The following WDR41 variants were observed in gnomAD, a reference collection of about 807,000 sequenced individuals.
The protein encoded by WDR41 is WD repeat-containing protein 41.
WDR41 carries 63 observed loss-of-function variants against 69.3 expected under a neutral mutation model. The ratio of observed to expected loss-of-function variants is 0.91; its 90% confidence interval spans 0.74 to 1.12. The LOEUF is 1.12. Among genes scored for constraint, WDR41 ranks in the 50% most tolerant of loss-of-function variants. The pLI is 0.00. For synonymous variants in WDR41, 185 were observed against 192.1 expected, an observed-to-expected ratio of 0.96 and a Z score of 0.31; for missense variants, 543 against 534.5, an observed-to-expected ratio of 1.02 and a Z score of -0.16.
chr5:77,612,503 A>G (rs1157105442), intron 1 of WDR41, among the ~76,000 whole-genome samples: 3 of 152,222 alleles, frequency 2.0e-5, no homozygotes, highest in Non-Finnish European at 2.9e-5. Context: ...GCAAATCAAT[A>G]AATGTAATCC....
intron 1 of WDR41, among the ~76,000 whole-genome samples, chr5:77,532,650 T>C (rs1366561433): frequency 6.6e-6 from 1 of 152,042 alleles, no homozygotes; most frequent in African/African-American, 2.4e-5. Flanking sequence ...ACTACAGCAG[T>C]ACACAACATG....
chr5:77,604,533 C>T (rs1357135761), intron 1 of WDR41, among the ~76,000 whole-genome samples: 1 of 152,148 alleles, frequency 6.6e-6, no homozygotes, highest in African/African-American at 2.4e-5. Flanking sequence ...TTGTTAAGCA[C>T]TTGTGGAGGA....
At chr5:77,559,015 G>T (rs1296848978) in intron 1 of WDR41, among the ~76,000 whole-genome samples, 3 of 152,150 alleles carry the variant, frequency 2.0e-5, no homozygotes, top group Non-Finnish European at 2.9e-5. Flanking sequence ...TCTTGTAAAA[G>T]GGTCTATGAA....
At chr5:77,554,337 A>G (rs1743352084) in intron 1 of WDR41, among the ~76,000 whole-genome samples, 2 of 152,248 alleles carry the variant, frequency 1.3e-5, no homozygotes, top group South Asian at 2.1e-4. Context: ...TGAAATTCTT[A>G]CGTTAAAATC....
chr5:77,451,476 C>G, intron 6 of WDR41, 123 bp from the exon 7 acceptor site: 1 of 772,214 alleles, frequency 1.3e-6, no homozygotes, highest in Non-Finnish European at 2.2e-6. Flanking sequence ...AGAACTAGCT[C>G]CACACACACT....
At chr5:77,463,250 A>C in intron 3 of WDR41, 24 bp from the exon 4 acceptor site, 4 of 1,595,014 alleles carry the variant, frequency 2.5e-6, no homozygotes, top group South Asian at 2.3e-5. Flanking sequence ...AAAAATGTTA[A>C]TAGGCTTAGC....
At chr5:77,576,840 C>T (rs918392640) in intron 1 of WDR41, among the ~76,000 whole-genome samples, 1 of 152,042 alleles carries the variant, frequency 6.6e-6, no homozygotes, top group African/African-American at 2.4e-5. Flanking sequence ...ACTCTCAGAC[C>T]AATTACCTAA....
chr5:77,567,538 A>G (rs2112267773), intron 1 of WDR41, among the ~76,000 whole-genome samples: 1 of 152,082 alleles, frequency 6.6e-6, no homozygotes, highest in Non-Finnish European at 1.5e-5. Context: ...GTTAGTGCAA[A>G]CCCCTCATTC....
At chr5:77,616,128 T>A (rs981151369) in intron 1 of WDR41, among the ~76,000 whole-genome samples, 4 of 152,168 alleles carry the variant, frequency 2.6e-5, no homozygotes, top group Non-Finnish European at 5.9e-5. Context: ...TGTCTTTTTT[T>A]TTTTTAGGTG....
At chr5:77,597,277 T>C (rs542205704) in intron 1 of WDR41, among the ~76,000 whole-genome samples, 101 of 152,272 alleles carry the variant, frequency 6.6e-4, no homozygotes, top group African/African-American at 2.3e-3. Flanking sequence ...GGGAAGGTAA[T>C]GGCTGAGGGG....
intron 1 of WDR41, among the ~76,000 whole-genome samples, chr5:77,510,167 C>A (rs552409334): frequency 4.0e-4 from 61 of 152,186 alleles, no homozygotes; most frequent in Middle Eastern, 3.2e-3. Context: ...GGGAGGCCTC[C>A]CAATCATGGT....
chr5:77,469,762 G>A (rs951191132), intron 2 of WDR41, among the ~76,000 whole-genome samples: 1 of 151,002 alleles, frequency 6.6e-6, no homozygotes, highest in Admixed American at 6.6e-5. Context: ...AAGCCTCCAA[G>A]AAATATGGGA....
intron 5 of WDR41, chr5:77,458,768 A>C (rs1163550991): frequency 4.5e-6 from 1 of 222,780 alleles, no homozygotes; most frequent in East Asian, 9.3e-5. Flanking sequence ...TATTATGGTC[A>C]TTCTACAAGT....
intron 1 of WDR41, among the ~76,000 whole-genome samples, chr5:77,608,926 C>T (rs1744482835): frequency 6.6e-6 from 1 of 152,200 alleles, no homozygotes; most frequent in Admixed American, 6.5e-5. Flanking sequence ...CAGACGGCAC[C>T]TGGAAAATCG....
intron 4 of WDR41, among the ~76,000 whole-genome samples, chr5:77,459,678 T>C (rs1037747748): frequency 1.3e-5 from 2 of 152,170 alleles, no homozygotes; most frequent in Non-Finnish European, 2.9e-5. Flanking sequence ...TTTCAAACTT[T>C]TACACCATTT....
chr5:77,586,149 CAA>C (rs1037837608), intron 1 of WDR41, among the ~76,000 whole-genome samples: 4 of 150,978 alleles, frequency 2.6e-5, no homozygotes, highest in Non-Finnish European at 4.4e-5. Context: ...TTTTCATTTG[CAA>C]AAAAAAGTTA....
At chr5:77,605,618 G>A (rs565976949) in intron 1 of WDR41, among the ~76,000 whole-genome samples, 14 of 152,284 alleles carry the variant, frequency 9.2e-5, no homozygotes, top group African/African-American at 3.4e-4. Context: ...AAAGACAAAG[G>A]CTCAGATAGG....
chr5:77,448,936 GT>G (rs1799513273), intron 8 of WDR41, among the ~76,000 whole-genome samples: 1 of 151,984 alleles, frequency 6.6e-6, no homozygotes, highest in South Asian at 2.1e-4. Context: ...AGGGAGATAT[GT>G]TGCTGGGGTG....
At position 77,586,149 on chromosome 5, in the gene WDR41, C is replaced by CA. The variant is rs1037837608; in HGVS notation, c.42+34329dup. ...CAAATAATAAATAACTTTTCATTTGCAAAAAAAAGTTATTAAAATTGATTG... is the reference window on the plus strand; with the variant it reads ...CAAATAATAAATAACTTTTCATTTGCAAAAAAAAAGTTATTAAAATTGATTG... On this transcript the variant is annotated intron_variant, in intron 1 of 5. Transcript: ENST00000509971. Among the ~76,000 whole-genome samples, 7 of 150,976 alleles carry CA rather than the reference C, an allele frequency of 4.6e-5. No homozygotes were observed. In the East Asian group the frequency reaches 5.8e-4, roughly 13 times the overall value.
Sources: gnomAD v4.1 joint callset for allele counts (sites outside exome capture counted in the v4.1 genomes callset) on GRCh38, gnomAD v4.1.1 for gene constraint, MANE v1.5 for transcripts, NCBI Gene and HGNC (gene_info 2026-07-23, HGNC 2026-07-21) for gene names.